The following HECW2 variants were observed in gnomAD, a reference collection of about 807,000 sequenced individuals.
The protein encoded by HECW2 is E3 ubiquitin-protein ligase HECW2.
HECW2 carries 61 observed loss-of-function variants against 175.2 expected under a neutral mutation model. The observed-to-expected ratio is 0.35, with a 90% CI of 0.28 to 0.43. The LOEUF (loss-of-function observed/expected upper bound fraction) is 0.43. HECW2 is among the 20% of genes least tolerant of loss of function. The pLI, the probability that HECW2 is intolerant of heterozygous loss-of-function variation, is 1.00. For missense variants in HECW2, 1,524 were observed against 2,000.5 expected (o/e 0.76, Z 4.54); for synonymous variants, 671 against 731.0 (o/e 0.92, Z 1.32).
rs572953709 is a variant in HECW2 at position 196,354,113 on chromosome 2, A to G, written c.293-10349T>C. 1.9e-4 allele frequency among the ~76,000 whole-genome samples: 29 copies of G among 152,346 alleles called. No homozygotes were observed. In the South Asian group the frequency reaches 5.2e-3, roughly 27 times the overall value. On this transcript the variant is annotated intron_variant, in intron 2 of 28. Coordinates refer to ENST00000644978, the MANE Select transcript of HECW2 (RefSeq NM_001348768.2). ...GCCACCCCATGCAACAGGAAGCAACATCAGGGCCAAGCCCCAGCTCTGGAG... is the reference window on the plus strand; with the variant it reads ...GCCACCCCATGCAACAGGAAGCAACGTCAGGGCCAAGCCCCAGCTCTGGAG...
chr2:196,546,120 A>G (rs929244259), intron 1 of HECW2, among the ~76,000 whole-genome samples: 1 of 152,232 alleles, frequency 6.6e-6, no homozygotes, highest in African/African-American at 2.4e-5. Context: ...ACAAAAGTGC[A>G]TGTTTGCAAA....
chr2:196,588,743 C>T, intron 1 of HECW2, among the ~76,000 whole-genome samples: 1 of 152,154 alleles, frequency 6.6e-6, no homozygotes, highest in East Asian at 1.9e-4. Flanking sequence ...CATATACAAG[C>T]TTATCACTTG....
chr2:196,297,353 G>C (rs1053178547), intron 13 of HECW2, among the ~76,000 whole-genome samples: 1 of 152,152 alleles, frequency 6.6e-6, no homozygotes, highest in Non-Finnish European at 1.5e-5. Flanking sequence ...TTCTTGAGTG[G>C]AGTTTTGTTA....
At chr2:196,505,193 T>A (rs897011559) in intron 1 of HECW2, among the ~76,000 whole-genome samples, 2 of 152,064 alleles carry the variant, frequency 1.3e-5, no homozygotes, top group Non-Finnish European at 2.9e-5. Flanking sequence ...TTTAAAGTAA[T>A]TTAAAAAACC....
intron 1 of HECW2, among the ~76,000 whole-genome samples, chr2:196,522,367 T>C (rs1386192214): frequency 1.3e-5 from 2 of 152,216 alleles, no homozygotes. Context: ...CATTGTAGAT[T>C]CTGGATATTA....
At chr2:196,245,172 T>A (rs1458727175) in intron 19 of HECW2, among the ~76,000 whole-genome samples, 1 of 152,176 alleles carries the variant, frequency 6.6e-6, no homozygotes, top group African/African-American at 2.4e-5. Flanking sequence ...ATGATGATAA[T>A]ATAAAGTGTA....
intron 2 of HECW2, among the ~76,000 whole-genome samples, chr2:196,356,492 C>T (rs1004073669): frequency 2.0e-5 from 3 of 152,166 alleles, no homozygotes; most frequent in African/African-American, 7.2e-5. Context: ...CCATCCCGCC[C>T]GGATGTAAAT....
At chr2:196,208,219 T>A (rs1687139353) in intron 28 of HECW2, among the ~76,000 whole-genome samples, 1 of 152,246 alleles carries the variant, frequency 6.6e-6, no homozygotes, top group South Asian at 2.1e-4. Context: ...GCACTTTGCA[T>A]GTTATCTCAT....
At chr2:196,487,080 C>T (rs1420936828) in intron 1 of HECW2, among the ~76,000 whole-genome samples, 3 of 149,706 alleles carry the variant, frequency 2.0e-5, no homozygotes, top group African/African-American at 4.9e-5. Flanking sequence ...ACCCAGGAGA[C>T]GGAGGTTGTG....
At chr2:196,380,433 G>T (rs1694176285) in intron 2 of HECW2, among the ~76,000 whole-genome samples, 1 of 152,176 alleles carries the variant, frequency 6.6e-6, no homozygotes, top group African/African-American at 2.4e-5. Flanking sequence ...AGCCTGCTAT[G>T]CACATCTCTT....
intron 23 of HECW2, among the ~76,000 whole-genome samples, 181 bp downstream of exon 23, chr2:196,225,591 A>G (rs1575250568): frequency 6.6e-6 from 1 of 152,220 alleles, no homozygotes; most frequent in African/African-American, 2.4e-5. Flanking sequence ...AGAGGCAGGA[A>G]AAACACAGTA....
intron 1 of HECW2, among the ~76,000 whole-genome samples, chr2:196,470,491 C>T (rs1044533387): frequency 6.6e-6 from 1 of 152,072 alleles, no homozygotes; most frequent in Non-Finnish European, 1.5e-5. Flanking sequence ...TGTTTATCTT[C>T]GTCTCTTGCT....
At chr2:196,278,924 C>A (rs889724316) in intron 14 of HECW2, among the ~76,000 whole-genome samples, 4 of 152,060 alleles carry the variant, frequency 2.6e-5, no homozygotes, top group Non-Finnish European at 1.5e-5. Flanking sequence ...GAGATAGTCA[C>A]CAAAGACATG....
intron 17 of HECW2, among the ~76,000 whole-genome samples, chr2:196,270,262 T>G (rs1233765443): frequency 6.6e-6 from 1 of 152,156 alleles, no homozygotes. Context: ...AGTTGAAAGA[T>G]TTCAAGGAGG....
chr2:196,500,485 T>A (rs1687542778), intron 1 of HECW2, among the ~76,000 whole-genome samples: 1 of 152,198 alleles, frequency 6.6e-6, no homozygotes, highest in South Asian at 2.1e-4. Flanking sequence ...GAGTAAATGC[T>A]AAGTAATTGT....
intron 1 of HECW2, among the ~76,000 whole-genome samples, 174 bp downstream of exon 1, chr2:196,593,334 C>A (rs1422475811): frequency 6.6e-6 from 1 of 150,606 alleles, no homozygotes; most frequent in African/African-American, 2.4e-5. Flanking sequence ...CGGCGCGGCC[C>A]CGAGCGGCCC....
chr2:196,505,912 G>T (rs1343178154), intron 1 of HECW2, among the ~76,000 whole-genome samples: 2 of 152,170 alleles, frequency 1.3e-5, no homozygotes, highest in Non-Finnish European at 2.9e-5. Context: ...GTAGGGCTGG[G>T]AACAGAAATT....
chr2:196,434,702 T>C (rs1292648679), intron 1 of HECW2, among the ~76,000 whole-genome samples: 1 of 152,230 alleles, frequency 6.6e-6, no homozygotes, highest in Non-Finnish European at 1.5e-5. Context: ...GGATTTCACA[T>C]TTATTCCGCA....
Position 196,493,071 on chromosome 2 carries a change from G to A in HECW2, c.-35-59613C>T, listed in dbSNP as rs146124941. Among the ~76,000 whole-genome samples the A allele has an allele frequency of 4.5e-4, 69 of 152,206 alleles. 1 individual carries two copies. The highest frequency in any genetic ancestry group is 3.4e-3 in the Middle Eastern group (1 of 294). On this transcript the variant is annotated intron_variant, in intron 1 of 28. Transcript: ENST00000644978. ...GAATCTGCCTATTTCTAATAAGATC[G>A]AAATTGGATAACACAGGCTAGACAT...
Sources: gnomAD v4.1 joint callset for allele counts (sites outside exome capture counted in the v4.1 genomes callset) on GRCh38, gnomAD v4.1.1 for gene constraint, MANE v1.5 for transcripts, NCBI Gene and HGNC (gene_info 2026-07-23, HGNC 2026-07-21) for gene names.